Variants in NFATC1 observed in about 807,000 individuals in gnomAD.
NFATC1 encodes the protein nuclear factor of activated T-cells, cytoplasmic 1.
In NFATC1, 22 loss-of-function variants were observed where a neutral mutation model predicts 76.0. The observed-to-expected ratio is 0.29, with a 90% confidence interval of 0.21 to 0.41. The LOEUF (loss-of-function observed/expected upper bound fraction) is 0.41. Among genes scored for constraint, NFATC1 ranks in the 10% least tolerant of loss-of-function variants. The pLI is 1.00. For synonymous variants in NFATC1, 704 were observed against 613.1 expected (o/e 1.15, Z -2.19); for missense variants, 1,357 against 1,337.7 (o/e 1.01, Z -0.23).
At chr18:79,439,560 T>C (rs2086898939) in intron 3 of NFATC1, among the ~76,000 whole-genome samples, 1 of 152,232 alleles carries the variant, frequency 6.6e-6, no homozygotes, top group Admixed American at 6.5e-5. Flanking sequence ...CGAATGACCG[T>C]CACTTCCCTG....
chr18:79,409,145 A>G (rs1197745028), intron 1 of NFATC1, among the ~76,000 whole-genome samples: 1 of 73,646 alleles, frequency 1.4e-5, no homozygotes, highest in Non-Finnish European at 3.6e-5. Context: ...CTATCCATCC[A>G]TCCGTCATCC....
chr18:79,486,469 T>C lies in NFATC1; in HGVS notation c.2314T>C (p.Ser772Pro). The C allele has an allele frequency of 1.2e-6, 2 of 1,609,666 alleles. No individual in the cohort carries two copies. The highest frequency in any genetic ancestry group is 1.7e-6 in the Non-Finnish European group (2 of 1,179,802). The change falls in exon 9 of 10, where the codon TCT becomes CCT. Residue 772 changes from serine to proline, a missense_variant. Around this residue, in one of 3 missense-constraint regions of NFATC1, gnomAD observed 424 missense variants for 395.4 expected, o/e 1.07. Transcript: ENST00000427363. ...CGTGAGCCCCAAGCTCCACGACCTT[T>C]CTCCCGCTGCCTACACCAAGGGCGT... ...PGVSPKLHDLSPAAYTKGVAS... is the reference protein window; with the variant it reads ...PGVSPKLHDLPPAAYTKGVAS...
chr18:79,522,431 G>C, intron 9 of NFATC1, among the ~76,000 whole-genome samples: 1 of 105,604 alleles, frequency 9.5e-6, no homozygotes, highest in Non-Finnish European at 1.8e-5. Context: ...CTGCTGGTGT[G>C]TGTGTTTTGT....
At chr18:79,513,658 G>C (rs838055) in intron 9 of NFATC1, among the ~76,000 whole-genome samples, 106,794 of 152,162 alleles carry the variant, frequency 0.7, 38,360 homozygotes, top group Non-Finnish European at 0.79. Flanking sequence ...GCATGGGGGC[G>C]GTTTCCCTTG....
chr18:79,510,601 G>A lies in NFATC1; in HGVS notation c.2783-16927G>A, dbSNP rs1038595433. Reference sequence around the variant, plus strand: ...TATTTCAGCGGTCTTTTCTGTTTATGTGGGAAACGCAGTGTCATGAGGTTT... The same window carrying A: ...TATTTCAGCGGTCTTTTCTGTTTATATGGGAAACGCAGTGTCATGAGGTTT... On this transcript the variant is annotated intron_variant, in intron 9 of 9. Transcript: ENST00000427363. 4.6e-5 allele frequency among the ~76,000 whole-genome samples: 7 copies of A among 152,228 alleles called. 1 individual carries two copies. Among genetic ancestry groups the A allele is most frequent in the African/African-American group, 1.2e-4 (5 of 41,462 alleles).
intron 1 of NFATC1, chr18:79,400,166 T>TTATTTAAAAACTCGTGTC (rs1327235630): frequency 1.8e-6 from 2 of 1,089,968 alleles, no homozygotes; most frequent in African/African-American, 3.4e-5. Flanking sequence ...GGACACGAGT[T>TTATTTAAAAACTCGTGTC]TATTTAAAAA....
At chr18:79,411,571 G>A (rs920333860) in intron 2 of NFATC1, 70 bp downstream of exon 2, 19 of 1,166,572 alleles carry the variant, frequency 1.6e-5, no homozygotes, top group Middle Eastern at 3.2e-4. Flanking sequence ...CGCGGGGAGC[G>A]GGACGGGGGG....
At chr18:79,421,079 T>C (rs1014802065) in intron 2 of NFATC1, 1 of 152,282 alleles carries the variant, frequency 6.6e-6, no homozygotes, top group African/African-American at 2.4e-5. Flanking sequence ...TTCTAGTTTA[T>C]GGGAGGAGTG....
rs574577139 is a variant in NFATC1, at chr18:79,509,449, A to C, written c.2783-18079A>C. ...TGGGCGGCGAGGGGGTTGGCCATGC[A>C]GAGGGCGTGGGAGGAGAGGAGAGCA... On this transcript the variant is annotated intron_variant, in intron 9 of 9. Transcript: ENST00000427363. 7.2e-5 allele frequency among the ~76,000 whole-genome samples: 11 copies of C among 152,316 alleles called. No individual in the cohort carries two copies. In the South Asian group the frequency reaches 1.7e-3, roughly 23 times the overall value.
intron 9 of NFATC1, among the ~76,000 whole-genome samples, chr18:79,507,548 C>T (rs1233899626): frequency 6.6e-6 from 1 of 152,232 alleles, no homozygotes; most frequent in African/African-American, 2.4e-5. Context: ...CAGTTCAGCC[C>T]AGTGTCTGTT....
intron 8 of NFATC1, chr18:79,468,243 C>T (rs1278832958): frequency 6.6e-6 from 1 of 152,508 alleles, no homozygotes; most frequent in African/African-American, 2.4e-5. Context: ...AAATACCATC[C>T]AGTTTGTTTC....
Position 79,473,484 on chromosome 18 carries a change from T to C in NFATC1, c.2092+5902T>C, listed in dbSNP as rs927077432. The stretch of plus-strand genomic sequence containing the variant: ...TGTCGACGTAAACCCCAGGGAAGCG[T>C]GTTCTCACGCTCACTATCGACGTAA... On this transcript the variant is annotated intron_variant, in intron 8 of 9. Coordinates refer to ENST00000427363, the MANE Select transcript of NFATC1 (RefSeq NM_001278669.2). Among the ~76,000 whole-genome samples the C allele has an allele frequency of 3.2e-4, 49 of 150,962 alleles. 2 individuals are homozygous for C. Among genetic ancestry groups the C allele is most frequent in the Non-Finnish European group, 5.9e-5 (4 of 67,514 alleles).
intron 2 of NFATC1, chr18:79,422,201 G>A (rs964323316): frequency 6.6e-6 from 1 of 152,210 alleles, no homozygotes; most frequent in African/African-American, 2.4e-5. Context: ...ACTAGAAACG[G>A]AATCAGTTCC....
At chr18:79,416,897 G>A (rs2085896064) in intron 2 of NFATC1, among the ~76,000 whole-genome samples, 2 of 152,216 alleles carry the variant, frequency 1.3e-5, no homozygotes, top group African/African-American at 4.8e-5. Flanking sequence ...CCTGGCTCCC[G>A]GCATGGGTGT....
rs1601036611 is a variant in NFATC1 at position 79,529,149 on chromosome 18, C to T, written c.*1572C>T. The T allele has an allele frequency of 6.6e-6, 1 of 152,256 alleles. No homozygotes were observed. 9.4% of individuals were successfully genotyped at this position (152,256 alleles called of 1,614,324 possible). On this transcript the variant is annotated 3_prime_UTR_variant, in exon 10 of 10. Transcript: ENST00000427363. ...GCCATCCCGTCGGTCTGCACGTAAC[C>T]GTGAAGACGTGTGGCCGCGTCCCAC...
At chr18:79,405,808 G>T (rs2085416532) in intron 1 of NFATC1, among the ~76,000 whole-genome samples, 1 of 152,210 alleles carries the variant, frequency 6.6e-6, no homozygotes. Context: ...ATCGAATCAG[G>T]TTTTATTGCA....
At chr18:79,439,797 G>A (rs2086907226) in intron 3 of NFATC1, among the ~76,000 whole-genome samples, 1 of 152,128 alleles carries the variant, frequency 6.6e-6, no homozygotes, top group Non-Finnish European at 1.5e-5. Context: ...CAAAGCCCAC[G>A]GGCTCTGTTT....
rs764993036 is a variant in NFATC1 at position 79,410,841 on chromosome 18, A to C, written c.566A>C (p.Tyr189Ser). ...AGCTGCAACTCAGAGGCCTCCTCCTACGAGTCCAACTACTCGTACCCGTAC... is the reference window on the plus strand; with the variant it reads ...AGCTGCAACTCAGAGGCCTCCTCCTCCGAGTCCAACTACTCGTACCCGTAC... The part of the protein sequence containing the change: ...SRSCNSEASS[Y>S]ESNYSYPYAS... The change falls in exon 2 of 10, where the codon TAC becomes TCC. Residue 189 changes from tyrosine to serine, a missense_variant. Physicochemically the swap from Tyr to Ser is moderately radical, Grantham distance 144. Transcript: ENST00000427363. The surrounding 1 kb of genome is among the most constrained non-coding windows in gnomAD (Gnocchi z 6.7). 3 of 1,610,658 alleles carry C rather than the reference A, an allele frequency of 1.9e-6. No homozygotes were observed. Among genetic ancestry groups the C allele is most frequent in the East Asian group, 2.2e-5 (1 of 44,804 alleles).
chr18:79,493,221 C>T (rs910842139), intron 9 of NFATC1, among the ~76,000 whole-genome samples: 7 of 152,356 alleles, frequency 4.6e-5, no homozygotes, highest in Admixed American at 2.6e-4. Context: ...GAGGAGGCTC[C>T]GCTGGGGGCG....
Sources: gnomAD v4.1 joint callset for allele counts (sites outside exome capture counted in the v4.1 genomes callset) on GRCh38, gnomAD v4.1.1 for gene constraint, gnomAD v4.1.1 regional missense constraint, Gnocchi (gnomAD v3.1) non-coding constraint, MANE v1.5 for transcripts, NCBI Gene and HGNC (gene_info 2026-07-23, HGNC 2026-07-21) for gene names.